The following LYZL4 variants were observed in gnomAD, a reference collection of about 807,000 sequenced individuals.
The protein encoded by LYZL4 is lysozyme-like protein 4.
LYZL4 carries 13 observed loss-of-function variants against 17.6 expected under a neutral mutation model. That is an observed-to-expected ratio of 0.74 (90% confidence interval 0.48 to 1.18). The LOEUF is 1.18. Among genes scored for constraint, LYZL4 ranks in the 50% most tolerant of loss-of-function variants. The pLI is 0.00. For synonymous variants in LYZL4, 64 were observed against 67.7 expected (o/e 0.95, Z 0.27); for missense variants, 174 against 188.2 (o/e 0.92, Z 0.44).
the LYZL4 span, among the ~76,000 whole-genome samples, chr3:42,366,302 A>G: frequency 2.2e-4 from 34 of 152,272 alleles, no homozygotes; most frequent in Non-Finnish European, 3.8e-4. Flanking sequence ...GTGAGGCCCC[A>G]GCCTTGGAAG....
chr3:42,383,448 A>AC, the LYZL4 span, among the ~76,000 whole-genome samples: 1 of 151,996 alleles, frequency 6.6e-6, no homozygotes, highest in Non-Finnish European at 1.5e-5. Context: ...CCAAAAAAAA[A>AC]AAAAAAAAAC....
At chr3:42,373,888 A>T in the LYZL4 span, among the ~76,000 whole-genome samples, 1 of 152,166 alleles carries the variant, frequency 6.6e-6, no homozygotes, top group Non-Finnish European at 1.5e-5. Flanking sequence ...ATAAAAATAC[A>T]TGTATATATT....
chr3:42,374,107 T>C, the LYZL4 span, among the ~76,000 whole-genome samples: 1 of 152,216 alleles, frequency 6.6e-6, no homozygotes, highest in African/African-American at 2.4e-5. Flanking sequence ...ATGATAATTC[T>C]CAGTATTGCT....
At chr3:42,395,839 T>A (rs950809428), downstream of LYZL4, among the ~76,000 whole-genome samples, 24 of 152,044 alleles carry the variant, frequency 1.6e-4, no homozygotes, top group Non-Finnish European at 2.8e-4. Context: ...GGCGGGTGGA[T>A]CACTTGAGGT....
chr3:42,384,017 T>C, the LYZL4 span, among the ~76,000 whole-genome samples: 2 of 152,204 alleles, frequency 1.3e-5, no homozygotes, highest in Non-Finnish European at 2.9e-5. Flanking sequence ...AGCCCCATTA[T>C]ATTGGAGGAA....
At chr3:42,375,486 T>C in the LYZL4 span, among the ~76,000 whole-genome samples, 1 of 152,244 alleles carries the variant, frequency 6.6e-6, no homozygotes, top group African/African-American at 2.4e-5. Flanking sequence ...TTAAGTATTC[T>C]GTTCTCATTA....
At chr3:42,364,095 C>T in the LYZL4 span, among the ~76,000 whole-genome samples, 2 of 152,184 alleles carry the variant, frequency 1.3e-5, no homozygotes, top group African/African-American at 4.8e-5. Flanking sequence ...CATCTCCCAC[C>T]TACCTCCCTA....
the LYZL4 span, among the ~76,000 whole-genome samples, chr3:42,375,539 T>C: frequency 1.7e-3 from 264 of 152,326 alleles, no homozygotes; most frequent in African/African-American, 6.1e-3. Context: ...TTATGAAATA[T>C]GCAACTTGTG....
chr3:42,406,254 C>G (rs1402365692), intron 3 of LYZL4, among the ~76,000 whole-genome samples: 1 of 152,054 alleles, frequency 6.6e-6, no homozygotes, highest in Non-Finnish European at 1.5e-5. Flanking sequence ...GAGATTGAGA[C>G]CATCCTGGCT....
At chr3:42,368,194 G>C in the LYZL4 span, among the ~76,000 whole-genome samples, 1 of 152,198 alleles carries the variant, frequency 6.6e-6, no homozygotes, top group African/African-American at 2.4e-5. Flanking sequence ...GAGCCCCAGG[G>C]CTCTGCAGTA....
chr3:42,401,176 AC>A (rs1323253584), intron 4 of LYZL4, among the ~76,000 whole-genome samples: 5 of 152,098 alleles, frequency 3.3e-5, no homozygotes, highest in Admixed American at 6.6e-5. Context: ...CGGAAATATC[AC>A]AAAAAGAAAA....
chr3:42,367,048 G>C, the LYZL4 span, among the ~76,000 whole-genome samples: 2 of 152,174 alleles, frequency 1.3e-5, no homozygotes, highest in Non-Finnish European at 2.9e-5. Context: ...ATGATGGCCT[G>C]GTGGCCTTAG....
At chr3:42,381,288 C>T in the LYZL4 span, among the ~76,000 whole-genome samples, 1 of 143,538 alleles carries the variant, frequency 7.0e-6, no homozygotes, top group African/African-American at 2.5e-5. Flanking sequence ...ATGCCTATAC[C>T]AAGACCTGCA....
chr3:42,405,162 C>G (rs1698727011), intron 3 of LYZL4, among the ~76,000 whole-genome samples: 1 of 152,136 alleles, frequency 6.6e-6, no homozygotes, highest in Non-Finnish European at 1.5e-5. Context: ...CATTCTCCTG[C>G]CTCAGCCTCC....
chr3:42,387,336 T>C, the LYZL4 span, among the ~76,000 whole-genome samples: 1 of 152,204 alleles, frequency 6.6e-6, no homozygotes, highest in Non-Finnish European at 1.5e-5. Context: ...ATAACTTATG[T>C]GAACCACCTA....
chr3:42,389,970 T>A, the LYZL4 span, among the ~76,000 whole-genome samples: 1 of 151,894 alleles, frequency 6.6e-6, no homozygotes, highest in Admixed American at 6.6e-5. Context: ...AGATGAAGAG[T>A]GCTACACATT....
rs1334560223 is a variant in LYZL4, at chr3:42,406,882, C to T, written c.256G>A (p.Asp86Asn). Residue 86 changes from aspartate to asparagine, a missense_variant, in exon 3 of 5, where the codon GAC becomes AAC. Transcript: ENST00000287748. ...FQMRGSDWCG[D>N]HGRNRCHMSC... ...ATATGGCAGCGGTTCCTGCCATGGT[C>T]GCCACACCAGTCACTGCCACGCATC... 8.1e-6 allele frequency: 13 copies of T among 1,614,048 alleles called. No homozygotes were observed. Among genetic ancestry groups the T allele is most frequent in the Non-Finnish European group, 1.0e-5 (12 of 1,180,058 alleles).
the LYZL4 span, among the ~76,000 whole-genome samples, chr3:42,369,443 T>C: frequency 2.0e-5 from 3 of 152,394 alleles, no homozygotes; most frequent in Admixed American, 2.0e-4. Context: ...GAAGTGAGGC[T>C]GTCACCTAGC....
chr3:42,394,139 A>T (rs1240233099), downstream of LYZL4, among the ~76,000 whole-genome samples: 3 of 152,170 alleles, frequency 2.0e-5, no homozygotes, highest in Non-Finnish European at 4.4e-5. Context: ...AATGCTGTAG[A>T]TTTCCACACT....
Sources: allele counts gnomAD v4.1 joint callset (sites outside exome capture counted in the v4.1 genomes callset), GRCh38; gene constraint gnomAD v4.1.1; transcripts MANE v1.5; gene names NCBI Gene and HGNC (gene_info 2026-07-23, HGNC 2026-07-21).